SLC1A2: variants seen among roughly 807,000 people sequenced by gnomAD.
The protein encoded by SLC1A2 is solute carrier family 1 member 2, also known as excitatory amino acid transporter 2.
A neutral mutation model predicts 48.8 loss-of-function variants in SLC1A2; 15 were observed. The observed-to-expected ratio is 0.31, with a 90% CI of 0.21 to 0.47. The LOEUF (loss-of-function observed/expected upper bound fraction) is 0.47, where lower values mean the gene tolerates loss of function less well. Ranked by LOEUF, SLC1A2 falls within the 20% of genes least tolerant of loss-of-function variation. SLC1A2 has a pLI of 0.99. For synonymous variants in SLC1A2, 279 were observed against 272.6 expected (o/e 1.02, Z -0.23); for missense variants, 502 against 730.5 (o/e 0.69, Z 3.61).
intron 1 of SLC1A2, among the ~76,000 whole-genome samples, chr11:35,361,757 C>A (rs1315931942): frequency 6.6e-6 from 1 of 152,050 alleles, no homozygotes; most frequent in African/African-American, 2.4e-5. Context: ...CAGGAGGACT[C>A]CTTGAGCCTA....
chr11:35,372,533 AACC>A (rs1447677115), intron 1 of SLC1A2, among the ~76,000 whole-genome samples: 2 of 152,238 alleles, frequency 1.3e-5, no homozygotes, highest in African/African-American at 4.8e-5. Context: ...TATTCTCAAT[AACC>A]AGGAAGGACC....
At chr11:35,289,671 G>A (rs1249225699) in intron 7 of SLC1A2, among the ~76,000 whole-genome samples, 1 of 152,012 alleles carries the variant, frequency 6.6e-6, no homozygotes, top group Non-Finnish European at 1.5e-5. Flanking sequence ...AAACCATAAA[G>A]GTATTGGAAG....
chr11:35,268,710 T>C (rs915337020), intron 9 of SLC1A2, among the ~76,000 whole-genome samples: 4 of 152,014 alleles, frequency 2.6e-5, no homozygotes, highest in African/African-American at 9.7e-5. Context: ...ATATACTTTA[T>C]AGATACTACC....
chr11:35,302,454 GTATCTAAGTCCAGCC>G (rs1467063255), intron 5 of SLC1A2, among the ~76,000 whole-genome samples: 1 of 152,008 alleles, frequency 6.6e-6, no homozygotes, highest in Non-Finnish European at 1.5e-5. Context: ...TTCTTGACTT[GTATCTAAGTCCAGCC>G]TCACATCAGC....
chr11:35,359,339 C>T (rs1299341003), intron 1 of SLC1A2, among the ~76,000 whole-genome samples: 1 of 152,200 alleles, frequency 6.6e-6, no homozygotes, highest in Non-Finnish European at 1.5e-5. Context: ...CTTCAAGATC[C>T]AATCATGGAT....
chr11:35,328,226 G>A (rs558652893), intron 1 of SLC1A2, among the ~76,000 whole-genome samples: 15 of 152,282 alleles, frequency 9.9e-5, no homozygotes, highest in African/African-American at 2.9e-4. Flanking sequence ...CACTGACTCA[G>A]CCAGCACTTG....
chr11:35,261,986 G>T (rs1200469771), intron 10 of SLC1A2: 3 of 360,474 alleles, frequency 8.3e-6, no homozygotes, highest in Non-Finnish European at 1.5e-5. Context: ...AGCAATGACT[G>T]CTCCACATGC....
chr11:35,369,270 G>A (rs1276785969), intron 1 of SLC1A2, among the ~76,000 whole-genome samples: 1 of 152,168 alleles, frequency 6.6e-6, no homozygotes, highest in African/African-American at 2.4e-5. Context: ...AGGGCCTTTT[G>A]TCATGTAACT....
intron 10 of SLC1A2, among the ~76,000 whole-genome samples, chr11:35,263,553 TC>T (rs1950430568): frequency 6.6e-6 from 1 of 152,138 alleles, no homozygotes; most frequent in South Asian, 2.1e-4. Context: ...TCTAAAGACA[TC>T]TCCACGCCCA....
intron 1 of SLC1A2, among the ~76,000 whole-genome samples, chr11:35,352,799 A>G (rs188018900): frequency 2.3e-3 from 354 of 152,268 alleles, no homozygotes; most frequent in Middle Eastern, 3.4e-3. Flanking sequence ...CGAGAAATCA[A>G]TGGGAACTCA....
chr11:35,339,230 A>T (rs4582949), intron 1 of SLC1A2, among the ~76,000 whole-genome samples: 33,479 of 152,008 alleles, frequency 0.22, 3,759 homozygotes, highest in Middle Eastern at 0.28. Context: ...ATATTTAGTC[A>T]TTCAGCAAGA....
intron 1 of SLC1A2, chr11:35,370,806 G>T: frequency 4.4e-6 from 1 of 228,956 alleles, no homozygotes; most frequent in Non-Finnish European, 7.2e-6. Context: ...TCCCTCCCCA[G>T]CATTGCAGCA....
intron 1 of SLC1A2, among the ~76,000 whole-genome samples, chr11:35,338,134 A>G (rs1852700365): frequency 6.6e-6 from 1 of 152,194 alleles, no homozygotes; most frequent in South Asian, 2.1e-4. Flanking sequence ...GCCCATTTTT[A>G]TAAACAAGGT....
chr11:35,360,410 G>A (rs1382156451), intron 1 of SLC1A2, among the ~76,000 whole-genome samples: 1 of 152,178 alleles, frequency 6.6e-6, no homozygotes, highest in Non-Finnish European at 1.5e-5. Context: ...CCCTGAGCCT[G>A]TCAGTAGCTC....
intron 1 of SLC1A2, among the ~76,000 whole-genome samples, chr11:35,412,249 G>T (rs1855485095): frequency 6.6e-6 from 1 of 152,006 alleles, no homozygotes; most frequent in African/African-American, 2.4e-5. Context: ...ATTCCCTAGG[G>T]GATTTTCAAG....
Position 35,255,461 on chromosome 11 carries a change from T to G in SLC1A2, c.*5433A>C, listed in dbSNP as rs1950300916. 1 of 152,316 alleles carries G rather than the reference T, an allele frequency of 6.6e-6. No individual in the cohort carries two copies. Among genetic ancestry groups the G allele is most frequent in the Admixed American group, 6.5e-5 (1 of 15,284 alleles). The allele number at this position is 152,316 out of a possible 1,614,324, so 9.4% of individuals were successfully genotyped here. On this transcript the variant is annotated 3_prime_UTR_variant, in exon 11 of 11. Transcript: ENST00000278379. ...GTGAAAATGAATTTGCGGGCTTACT[T>G]GTGAATGGGTGTGCATGTCTACATA...
chr11:35,414,152 C>A (rs1399408701), intron 1 of SLC1A2, among the ~76,000 whole-genome samples: 1 of 152,162 alleles, frequency 6.6e-6, no homozygotes, highest in African/African-American at 2.4e-5. Context: ...GTTCAGCCAA[C>A]AGTGGTCATA....
chr11:35,325,869 C>A (rs946297084), intron 1 of SLC1A2, among the ~76,000 whole-genome samples: 1 of 147,650 alleles, frequency 6.8e-6, no homozygotes, highest in Admixed American at 7.0e-5. Context: ...GAGGCTGAGG[C>A]AGAAGAATCA....
Position 35,259,646 on chromosome 11 carries a change from G to C in SLC1A2, c.*1248C>G, listed in dbSNP as rs1950365477. On this transcript the variant is annotated 3_prime_UTR_variant, in exon 11 of 11. Transcript: ENST00000278379. ...CCATGTCATTGTTCAAGGCTGCCTG[G>C]ACTCTGCCATAGGAATATCACTTTT... is the stretch of plus-strand genomic sequence containing the variant. The C allele has an allele frequency of 6.6e-6, 1 of 152,204 alleles. No homozygotes were observed. Among genetic ancestry groups the C allele is most frequent in the African/African-American group, 2.4e-5 (1 of 41,442 alleles). 9.4% of individuals were successfully genotyped at this position (152,204 alleles called of 1,614,324 possible).
Sources: gnomAD v4.1 joint callset for allele counts (sites outside exome capture counted in the v4.1 genomes callset) on GRCh38, gnomAD v4.1.1 for gene constraint, MANE v1.5 for transcripts, NCBI Gene and HGNC (gene_info 2026-07-23, HGNC 2026-07-21) for gene names.